RALGAPA2: variants seen among roughly 807,000 people sequenced by gnomAD.
RALGAPA2 encodes the protein ral GTPase-activating protein subunit alpha-2.
In RALGAPA2, 139 loss-of-function variants were observed where a neutral mutation model predicts 230.4. That is an observed-to-expected ratio of 0.60 (90% CI 0.53 to 0.69). RALGAPA2 has a LOEUF of 0.69. Ranked by LOEUF, RALGAPA2 falls within the 30% of genes least tolerant of loss-of-function variation. The pLI is 0.00. For missense variants in RALGAPA2, 2,163 were observed against 2,276.0 expected, an observed-to-expected ratio of 0.95 and a Z score of 1.01; for synonymous variants, 847 against 837.8, an observed-to-expected ratio of 1.01 and a Z score of -0.19.
rs561244768 is a variant in RALGAPA2 at position 20,521,159 on chromosome 20, T to A, written c.3901-59A>T. On this transcript the variant is annotated intron_variant, in intron 30 of 39. Coordinates refer to ENST00000202677, the MANE Select transcript of RALGAPA2 (RefSeq NM_020343.4). ...CTACTCACCGCGTGTCCCCTGACAA[T>A]CTGTCAAACTACTGCAGCACTTGGC... 7.0e-6 allele frequency: 10 copies of A among 1,429,610 alleles called. No homozygotes were observed. The African/African-American group carries it at 1.4e-4, about 20-fold the overall frequency. The allele number at this position is 1,429,610 out of a possible 1,614,324, so 88.6% of individuals were successfully genotyped here.
Position 20,712,278 on chromosome 20 carries a change from C to G in RALGAPA2, c.106+97G>C. 1 of 1,132,232 alleles carries G rather than the reference C, an allele frequency of 8.8e-7. No homozygotes were observed. Among genetic ancestry groups the G allele is most frequent in the South Asian group, 1.6e-5 (1 of 63,042 alleles). 70.1% of individuals were successfully genotyped at this position (1,132,232 alleles called of 1,614,324 possible). On this transcript the variant is annotated intron_variant, in intron 1 of 39. Coordinates refer to ENST00000202677, the MANE Select transcript of RALGAPA2 (RefSeq NM_020343.4). The surrounding 1 kb of genome is among the most constrained non-coding windows in gnomAD (Gnocchi z 5.5). ...GTCGGACGCCCACCCATCCCCCTCC[C>G]CAGCCTCCCAGCCACCGACCCCTGC...
chr20:20,463,846 G>C (rs2061356391), intron 37 of RALGAPA2, among the ~76,000 whole-genome samples: 1 of 152,228 alleles, frequency 6.6e-6, no homozygotes, highest in Admixed American at 6.5e-5. Flanking sequence ...AAAAAGGTAA[G>C]TTGGGTCAGC....
chr20:20,646,933 C>T (rs544838244), intron 4 of RALGAPA2, among the ~76,000 whole-genome samples: 4 of 151,582 alleles, frequency 2.6e-5, no homozygotes, highest in African/African-American at 9.7e-5. Flanking sequence ...ATTAAAGTAG[C>T]TTAAAAATGT....
chr20:20,541,028 T>C (rs534011257), intron 24 of RALGAPA2, among the ~76,000 whole-genome samples: 298 of 150,490 alleles, frequency 2.0e-3, no homozygotes, highest in Non-Finnish European at 3.6e-3. Flanking sequence ...CTAGGCAATA[T>C]ATAATGAATT....
intron 1 of RALGAPA2, among the ~76,000 whole-genome samples, chr20:20,707,838 G>A (rs1452406155): frequency 6.6e-6 from 1 of 151,932 alleles, no homozygotes; most frequent in African/African-American, 2.4e-5. Context: ...GACATCCTCT[G>A]GGCAAGGGTC....
intron 23 of RALGAPA2, among the ~76,000 whole-genome samples, chr20:20,565,810 G>T (rs148530968): frequency 1.3e-5 from 2 of 152,336 alleles, no homozygotes; most frequent in African/African-American, 4.8e-5. Context: ...ATATGAACCA[G>T]TGTTGATCAT....
rs1439186001 is a variant in RALGAPA2, at chr20:20,393,212, G to T, written c.*77C>A. 1 of 1,352,556 alleles carries T rather than the reference G, an allele frequency of 7.4e-7. No homozygotes were observed. Among genetic ancestry groups the T allele is most frequent in the Non-Finnish European group, 9.8e-7 (1 of 1,015,264 alleles). 83.8% of individuals were successfully genotyped at this position (1,352,556 alleles called of 1,614,324 possible). On this transcript the variant is annotated 3_prime_UTR_variant, in exon 40 of 40. Transcript: ENST00000202677. ...GGGTGTTCTGTCTCCTCCTCACTCA[G>T]GGGCTCTTCGAGGTCAGCACTCAGA...
Position 20,572,978 on chromosome 20 carries a change from C to A in RALGAPA2, c.2798G>T (p.Arg933Leu). The A allele has an allele frequency of 2.5e-6, 4 of 1,607,216 alleles. No individual in the cohort carries two copies. Among genetic ancestry groups the A allele is most frequent in the Non-Finnish European group, 3.4e-6 (4 of 1,176,814 alleles). Residue 933 changes from arginine (R) to leucine (L), a missense_variant, in exon 21 of 40, where the codon CGA (arginine) becomes CTA (leucine). Transcript: ENST00000202677. ...ATCTCCGAGGATCCCCAAGACCCTT[C>A]GCCATAACACAGCAGCAGAGTCTGG... ...WHPDSAAVLW[R>L]RVLGILGDVN...
chr20:20,696,517 A>G (rs73298825), intron 1 of RALGAPA2, among the ~76,000 whole-genome samples: 2,816 of 152,068 alleles, frequency 0.019, 78 homozygotes, highest in African/African-American at 0.065. Flanking sequence ...GGAGTGCCCC[A>G]TCTTATCTTA....
At chr20:20,412,252 A>T (rs1211917028) in intron 37 of RALGAPA2, 104 bp from the exon 38 acceptor site, 1 of 1,424,494 alleles carries the variant, frequency 7.0e-7, no homozygotes, top group Admixed American at 1.8e-5. Context: ...TGTGTAAAAA[A>T]GTATCCTGCA....
intron 37 of RALGAPA2, among the ~76,000 whole-genome samples, chr20:20,427,572 G>A (rs1017318574): frequency 6.6e-6 from 1 of 151,970 alleles, no homozygotes; most frequent in Admixed American, 6.6e-5. Flanking sequence ...TTCAAGTGGT[G>A]GTGTACAGCA....
intron 39 of RALGAPA2, among the ~76,000 whole-genome samples, chr20:20,393,761 G>C (rs1274444682): frequency 6.6e-6 from 1 of 152,200 alleles, no homozygotes; most frequent in East Asian, 1.9e-4. Flanking sequence ...TTGCTTGTCT[G>C]AATGAGTCCA....
chr20:20,613,919 A>G (rs751315432), intron 13 of RALGAPA2, among the ~76,000 whole-genome samples: 1 of 152,210 alleles, frequency 6.6e-6, no homozygotes, highest in Non-Finnish European at 1.5e-5. Context: ...TGTTCTCAGT[A>G]CTTCGGAGTC....
chr20:20,611,571 A>G, intron 13 of RALGAPA2, 145 bp from the exon 14 acceptor site: 1 of 1,319,068 alleles, frequency 7.6e-7, no homozygotes, highest in Non-Finnish European at 1.0e-6. Flanking sequence ...TGCCAATTAC[A>G]TAATGAATAC....
intron 3 of RALGAPA2, among the ~76,000 whole-genome samples, chr20:20,654,835 G>T (rs192013603): frequency 6.6e-6 from 1 of 151,930 alleles, no homozygotes; most frequent in Non-Finnish European, 1.5e-5. Flanking sequence ...TCTCCATAAC[G>T]GCTGCACTAA....
intron 1 of RALGAPA2, among the ~76,000 whole-genome samples, chr20:20,684,698 CT>C (rs1240918137): frequency 6.6e-6 from 1 of 152,192 alleles, no homozygotes; most frequent in African/African-American, 2.4e-5. Context: ...ACAATTCCCC[CT>C]GACAGCACTT....
intron 16 of RALGAPA2, 77 bp from the exon 17 acceptor site, chr20:20,591,391 T>A: frequency 6.9e-7 from 1 of 1,447,108 alleles, no homozygotes; most frequent in Non-Finnish European, 9.3e-7. Flanking sequence ...AACAACCGAT[T>A]TAAAAAATAA....
intron 9 of RALGAPA2, among the ~76,000 whole-genome samples, chr20:20,631,188 C>G (rs1196875116): frequency 6.6e-6 from 1 of 152,222 alleles, no homozygotes; most frequent in Non-Finnish European, 1.5e-5. Flanking sequence ...ACCTTATTAA[C>G]CAGAAAACAG....
At chr20:20,614,910 A>T (rs536547613) in intron 13 of RALGAPA2, among the ~76,000 whole-genome samples, 1 of 152,282 alleles carries the variant, frequency 6.6e-6, no homozygotes, top group South Asian at 2.1e-4. Context: ...AGGGCCTCCA[A>T]GGACTGATAA....
Sources: gnomAD v4.1 joint callset for allele counts (sites outside exome capture counted in the v4.1 genomes callset) on GRCh38, gnomAD v4.1.1 for gene constraint, Gnocchi (gnomAD v3.1) non-coding constraint, MANE v1.5 for transcripts, NCBI Gene and HGNC (gene_info 2026-07-23, HGNC 2026-07-21) for gene names.